MAP4K4: variants seen among roughly 807,000 people sequenced by gnomAD.
MAP4K4 encodes mitogen-activated protein kinase kinase kinase kinase 4, also known as HPK/GCK-like kinase HGK.
In MAP4K4, 38 loss-of-function variants were observed where a neutral mutation model predicts 189.6. That is an observed-to-expected ratio of 0.20 (90% CI 0.15 to 0.26). The LOEUF (loss-of-function observed/expected upper bound fraction) is 0.26. Among genes scored for constraint, MAP4K4 ranks in the 10% least tolerant of loss-of-function variants. The probability of loss-of-function intolerance (pLI) is 1.00; values close to 1 mark genes in which losing one functional copy is unlikely to be tolerated. For synonymous variants in MAP4K4, 610 were observed against 624.3 expected (o/e 0.98, Z 0.34); for missense variants, 1,054 against 1,726.9 (o/e 0.61, Z 6.91).
chr2:101,807,517 C>T (rs746126480), intron 3 of MAP4K4, among the ~76,000 whole-genome samples: 1 of 152,134 alleles, frequency 6.6e-6, no homozygotes, highest in African/African-American at 2.4e-5. Flanking sequence ...TCATTAGTTC[C>T]TAGACTGATG....
chr2:101,860,609 C>G (rs2097617213), intron 15 of MAP4K4: 2 of 477,384 alleles, frequency 4.2e-6, no homozygotes, highest in Non-Finnish European at 7.4e-6. Context: ...TAGAGACTGC[C>G]TTGCTAATTT....
intron 2 of MAP4K4, among the ~76,000 whole-genome samples, chr2:101,737,451 ATATATATATATTTTTTT>A (rs1210683735): frequency 2.2e-4 from 8 of 36,092 alleles, no homozygotes; most frequent in African/African-American, 1.3e-3. Flanking sequence ...ATATATATAT[ATATATATATATTTTTTT>A]TTTTTTTTTT....
chr2:101,800,897 T>G (rs2094299360), intron 3 of MAP4K4, among the ~76,000 whole-genome samples: 1 of 152,240 alleles, frequency 6.6e-6, no homozygotes, highest in South Asian at 2.1e-4. Flanking sequence ...ATGAGCATTC[T>G]TCAAGCAGAT....
chr2:101,724,424 A>G (rs999564726), intron 2 of MAP4K4, among the ~76,000 whole-genome samples: 1 of 152,166 alleles, frequency 6.6e-6, no homozygotes, highest in African/African-American at 2.4e-5. Context: ...ATGGGTCAGT[A>G]TGGGCTGTCA....
intron 3 of MAP4K4, among the ~76,000 whole-genome samples, chr2:101,803,903 A>G (rs565129422): frequency 6.6e-6 from 1 of 152,286 alleles, no homozygotes; most frequent in East Asian, 1.9e-4. Context: ...TACAGAAAAG[A>G]GAGTTGACTT....
At position 101,733,179 on chromosome 2, in the gene MAP4K4, G is replaced by C. The variant is rs192314028; in HGVS notation, c.123+34641G>C. 3.9e-5 allele frequency among the ~76,000 whole-genome samples: 6 copies of C among 152,328 alleles called. No individual in the cohort carries two copies. In the East Asian group the frequency reaches 1.2e-3, roughly 29 times the overall value. On this transcript the variant is annotated intron_variant, in intron 2 of 32. Transcript: ENST00000324219. ...GCCTGGGGTCTCTGTCTGAAGTAGA[G>C]CATGAAAGCAGCCGGCCCCAACCCT...
At chr2:101,698,379 T>G in intron 1 of MAP4K4, 94 bp from the exon 2 acceptor site, 8 of 1,200,208 alleles carry the variant, frequency 6.7e-6, no homozygotes, top group African/African-American at 1.5e-5. Context: ...GCCCACCTCT[T>G]TTGTCACCGC....
intron 27 of MAP4K4, among the ~76,000 whole-genome samples, chr2:101,881,743 T>C (rs2098397550): frequency 6.6e-6 from 1 of 152,186 alleles, no homozygotes; most frequent in South Asian, 2.1e-4. Context: ...TAAGTAGGTA[T>C]TGGGTTTTGT....
intron 3 of MAP4K4, among the ~76,000 whole-genome samples, chr2:101,797,888 A>ATTTTTTTTT (rs1558971586): frequency 5.3e-4 from 4 of 7,610 alleles, no homozygotes; most frequent in South Asian, 6.5e-3. Flanking sequence ...ACATTCTTTT[A>ATTTTTTTTT]GTTTTTTTTT....
At chr2:101,813,907 T>C (rs78013647) in intron 3 of MAP4K4, among the ~76,000 whole-genome samples, 8,689 of 152,332 alleles carry the variant, frequency 0.057, 344 homozygotes, top group Non-Finnish European at 0.088. Flanking sequence ...ATTGGGACTT[T>C]GAAGCTTTTG....
chr2:101,863,787 G>T (rs780852577), intron 16 of MAP4K4, 34 bp from the exon 17 acceptor site: 3 of 1,317,220 alleles, frequency 2.3e-6, no homozygotes, highest in Non-Finnish European at 3.1e-6. Flanking sequence ...TATGCAGAAC[G>T]CATTGAATGT....
intron 16 of MAP4K4, 130 bp from the exon 17 acceptor site, chr2:101,863,691 C>A: frequency 2.1e-6 from 1 of 484,766 alleles, no homozygotes; most frequent in Non-Finnish European, 4.1e-6. Context: ...CACTGCGTGG[C>A]TGACCTAACA....
chr2:101,884,998 A>G (rs1459964419), intron 28 of MAP4K4, among the ~76,000 whole-genome samples, 189 bp from the exon 29 acceptor site: 1 of 152,198 alleles, frequency 6.6e-6, no homozygotes, highest in African/African-American at 2.4e-5. Context: ...TTGATGGTCA[A>G]AATACATTAA....
rs184890652 is a variant in MAP4K4 at position 101,722,944 on chromosome 2, A to C, written c.123+24406A>C. On this transcript the variant is annotated intron_variant, in intron 2 of 32. Transcript: ENST00000324219. ...AGAACTCCCTGAGACTGGGCAGTTT[A>C]GAAAGGAAAGAGGTTGAATTGACTC... 2.9e-3 allele frequency among the ~76,000 whole-genome samples: 435 copies of C among 152,344 alleles called. 1 individual carries two copies. Among genetic ancestry groups the C allele is most frequent in the South Asian group, 0.014 (66 of 4,834 alleles).
intron 3 of MAP4K4, among the ~76,000 whole-genome samples, chr2:101,820,088 A>G (rs2095954303): frequency 6.6e-6 from 1 of 152,250 alleles, no homozygotes; most frequent in South Asian, 2.1e-4. Context: ...TTTCTTGTAC[A>G]GTGGTGAACA....
intron 28 of MAP4K4, among the ~76,000 whole-genome samples, chr2:101,882,977 C>G (rs537132326): frequency 3.0e-4 from 45 of 152,318 alleles, no homozygotes; most frequent in African/African-American, 1.1e-3. Flanking sequence ...TCTTTCCACT[C>G]CTCCTCTTTG....
chr2:101,726,274 T>C (rs1046091447), intron 2 of MAP4K4, among the ~76,000 whole-genome samples: 8 of 152,254 alleles, frequency 5.3e-5, no homozygotes, highest in Middle Eastern at 6.3e-3. Context: ...TCAAGGACTT[T>C]TGCAGAATTT....
intron 2 of MAP4K4, among the ~76,000 whole-genome samples, chr2:101,768,386 C>G (rs1379475731): frequency 6.6e-6 from 1 of 152,216 alleles, no homozygotes; most frequent in Non-Finnish European, 1.5e-5. Flanking sequence ...TTAGAGAAGA[C>G]AAAGCTCTCA....
In MAP4K4 at chr2:101,882,328, T is replaced by C. The variant is rs148054758; in HGVS notation, c.3386-223T>C. Among the ~76,000 whole-genome samples, 111 of 152,364 alleles carry C rather than the reference T, an allele frequency of 7.3e-4. 1 individual carries two copies. The highest frequency in any genetic ancestry group is 2.5e-3 in the African/African-American group (106 of 41,586). ...ATAGTGGCACGTCCAGTTTTTCTAT[T>C]GTTATCTCCTGTTCTATTTGATTTA... On this transcript the variant is annotated intron_variant, in intron 27 of 32. Coordinates refer to ENST00000324219, the Ensembl canonical transcript of MAP4K4.
Sources: gnomAD v4.1 joint callset for allele counts (sites outside exome capture counted in the v4.1 genomes callset) on GRCh38, gnomAD v4.1.1 for gene constraint, MANE v1.5 for transcripts, NCBI Gene and HGNC (gene_info 2026-07-23, HGNC 2026-07-21) for gene names.